MALRD1: variants seen among roughly 807,000 people sequenced by gnomAD.
MALRD1 encodes MAM and LDL-receptor class A domain-containing protein 1.
MALRD1 carries 247 observed loss-of-function variants against 242.1 expected under a neutral mutation model. The observed-to-expected ratio is 1.02, with a 90% CI of 0.92 to 1.13. The LOEUF (loss-of-function observed/expected upper bound fraction) is 1.13. Among genes scored for constraint, MALRD1 ranks in the 50% most tolerant of loss-of-function variants. The pLI is 0.00. For missense variants in MALRD1, 2,989 were observed against 2,533.1 expected (o/e 1.18, Z -3.86); for synonymous variants, 995 against 866.6 (o/e 1.15, Z -2.60).
chr10:19,407,405 G>A (rs763055955), intron 28 of MALRD1, among the ~76,000 whole-genome samples: 7 of 152,152 alleles, frequency 4.6e-5, no homozygotes, highest in East Asian at 1.9e-4. Context: ...TCACTGGAGC[G>A]CAGGAGTTCA....
intron 4 of MALRD1, among the ~76,000 whole-genome samples, chr10:19,099,794 C>T (rs1367437968): frequency 2.0e-5 from 3 of 150,170 alleles, no homozygotes; most frequent in African/African-American, 7.3e-5. Context: ...CAGATGGAAT[C>T]TCACTCTGTC....
intron 18 of MALRD1, among the ~76,000 whole-genome samples, chr10:19,210,099 CA>C (rs1196494075): frequency 6.6e-6 from 1 of 152,136 alleles, no homozygotes; most frequent in African/African-American, 2.4e-5. Flanking sequence ...AGGCTTTATT[CA>C]ACAATCAGTT....
chr10:19,053,987 A>C (rs575945081), intron 1 of MALRD1, among the ~76,000 whole-genome samples: 1 of 152,296 alleles, frequency 6.6e-6, no homozygotes, highest in African/African-American at 2.4e-5. Flanking sequence ...AGTGAACTAA[A>C]AAAGTAATTT....
chr10:19,357,862 G>GA (rs1193419394), intron 26 of MALRD1, among the ~76,000 whole-genome samples: 2 of 152,054 alleles, frequency 1.3e-5, no homozygotes, highest in Non-Finnish European at 2.9e-5. Context: ...GACAAGAGGG[G>GA]AAAAATGTAT....
At chr10:19,278,265 A>G (rs12416119) in intron 19 of MALRD1, among the ~76,000 whole-genome samples, 12,391 of 152,236 alleles carry the variant, frequency 0.081, 599 homozygotes, top group East Asian at 0.17. Context: ...AAGACCTTGT[A>G]TTCTTTTTCA....
intron 31 of MALRD1, among the ~76,000 whole-genome samples, chr10:19,517,692 T>A (rs1278230559): frequency 6.6e-6 from 1 of 152,194 alleles, no homozygotes; most frequent in Middle Eastern, 3.2e-3. Flanking sequence ...AGTTTTGTTA[T>A]GAAGTTCAGT....
chr10:19,306,107 A>G (rs1365098988), intron 21 of MALRD1, among the ~76,000 whole-genome samples: 2 of 89,732 alleles, frequency 2.2e-5, no homozygotes, highest in Admixed American at 1.2e-4. Flanking sequence ...ACTAGATAGT[A>G]TATATATACT....
intron 19 of MALRD1, among the ~76,000 whole-genome samples, chr10:19,265,219 AT>A (rs1289581414): frequency 2.0e-5 from 3 of 151,352 alleles, no homozygotes; most frequent in African/African-American, 7.3e-5. Flanking sequence ...CATTGTAATT[AT>A]TTTTGCTCTA....
chr10:19,710,201 T>C (rs1030632312), intron 38 of MALRD1: 1 of 152,152 alleles, frequency 6.6e-6, no homozygotes, highest in African/African-American at 2.4e-5. Context: ...TCTATATTTG[T>C]GACAGATTCT....
rs1163042469 is a variant in MALRD1, at chr10:19,331,370, T to A, written c.3689T>A (p.Ile1230Asn). ...ACTGTAACTGGCTTTTTTTTTTAGA[T>A]TGTCTTCAGAGCCAAACGTGGTATC... ...VFLGIRSHTQIVFRAKRGISY... is the reference protein window; with the variant it reads ...VFLGIRSHTQNVFRAKRGISY... The change falls in exon 24 of 40, where the codon ATT becomes AAT. Residue 1230 changes from isoleucine (I) to asparagine (N), a missense_variant and splice_region_variant. Physicochemically the swap from Ile to Asn is moderately radical, Grantham distance 149. Coordinates refer to ENST00000454679, the MANE Select transcript of MALRD1 (RefSeq NM_001142308.3). 1 of 1,549,926 alleles carries A rather than the reference T, an allele frequency of 6.5e-7. No homozygotes were observed. The highest frequency in any genetic ancestry group is 1.4e-5 in the African/African-American group (1 of 73,000).
chr10:19,726,573 T>C (rs1430514247), intron 38 of MALRD1, among the ~76,000 whole-genome samples: 5 of 152,212 alleles, frequency 3.3e-5, no homozygotes, highest in Admixed American at 3.3e-4. Context: ...AGTTACCGTG[T>C]GTTCTATCAA....
chr10:19,636,275 A>G (rs12767973), intron 36 of MALRD1, among the ~76,000 whole-genome samples: 62,860 of 151,876 alleles, frequency 0.41, 14,485 homozygotes, highest in Non-Finnish European at 0.51. Flanking sequence ...AAATAAAGAC[A>G]TTGTCAGCCA....
intron 29 of MALRD1, chr10:19,491,161 C>T (rs1171890581): frequency 2.2e-6 from 1 of 453,970 alleles, no homozygotes; most frequent in Non-Finnish European, 4.4e-6. Context: ...CAGGAAATCT[C>T]ATCAGTGCAT....
chr10:19,256,392 A>G (rs925872030), intron 18 of MALRD1, among the ~76,000 whole-genome samples: 14 of 152,092 alleles, frequency 9.2e-5, no homozygotes, highest in Admixed American at 3.9e-4. Flanking sequence ...AAATAATTGT[A>G]TGAGTTTGGA....
chr10:19,631,965 C>A (rs894994851), intron 36 of MALRD1, among the ~76,000 whole-genome samples: 1 of 152,128 alleles, frequency 6.6e-6, no homozygotes, highest in Non-Finnish European at 1.5e-5. Flanking sequence ...GTTTCTTCTG[C>A]TGCTGCACTT....
At chr10:19,141,614 T>A (rs1564418868) in intron 10 of MALRD1, among the ~76,000 whole-genome samples, 2 of 151,956 alleles carry the variant, frequency 1.3e-5, no homozygotes, top group African/African-American at 4.8e-5. Flanking sequence ...AGGAAAAATA[T>A]ATATATATAT....
intron 36 of MALRD1, among the ~76,000 whole-genome samples, chr10:19,687,876 G>C (rs1842640525): frequency 6.6e-6 from 1 of 151,590 alleles, no homozygotes; most frequent in Non-Finnish European, 1.5e-5. Flanking sequence ...CATTTTCTTT[G>C]TAAAACACCT....
At chr10:19,319,844 A>G (rs1349322176) in intron 21 of MALRD1, among the ~76,000 whole-genome samples, 1 of 152,186 alleles carries the variant, frequency 6.6e-6, no homozygotes. Flanking sequence ...TTTGGGGGGA[A>G]CACAAATGTT....
At chr10:19,163,295 C>T (rs930425827) in intron 12 of MALRD1, among the ~76,000 whole-genome samples, 2 of 151,804 alleles carry the variant, frequency 1.3e-5, no homozygotes, top group Admixed American at 6.6e-5. Flanking sequence ...AAGAGTGGTA[C>T]ATATGTACTG....
Sources: allele counts gnomAD v4.1 joint callset (sites outside exome capture counted in the v4.1 genomes callset), GRCh38; gene constraint gnomAD v4.1.1; transcripts MANE v1.5; gene names NCBI Gene and HGNC (gene_info 2026-07-23, HGNC 2026-07-21).